Variants in PLXNA4 observed in about 807,000 individuals in gnomAD.
PLXNA4 encodes plexin A4.
PLXNA4 carries 44 observed loss-of-function variants against 191.8 expected under a neutral mutation model. That is an observed-to-expected ratio of 0.23 (90% confidence interval 0.18 to 0.29). PLXNA4 has a LOEUF of 0.29. Among genes scored for constraint, PLXNA4 ranks in the 10% least tolerant of loss-of-function variants. The pLI is 1.00. For missense variants in PLXNA4, 1,800 were observed against 2,488.8 expected (o/e 0.72, Z 5.89); for synonymous variants, 1,082 against 1,009.5 (o/e 1.07, Z -1.36).
At chr7:132,535,549 C>T (rs1300828088) in intron 1 of PLXNA4, among the ~76,000 whole-genome samples, 1 of 152,112 alleles carries the variant, frequency 6.6e-6, no homozygotes, top group African/African-American at 2.4e-5. Flanking sequence ...GGAAAGGGGT[C>T]CCTTGGTATT....
intron 4 of PLXNA4, among the ~76,000 whole-genome samples, chr7:132,270,188 G>T (rs946769467): frequency 6.6e-6 from 1 of 152,064 alleles, no homozygotes; most frequent in African/African-American, 2.4e-5. Flanking sequence ...TCCATACCAC[G>T]TATGGAGAGA....
intron 2 of PLXNA4, among the ~76,000 whole-genome samples, chr7:132,635,368 A>AT (rs1000932177): frequency 1.3e-5 from 2 of 151,890 alleles, no homozygotes; most frequent in African/African-American, 4.8e-5. Context: ...ACTTGAATAG[A>AT]TTTTTTGAAC....
At position 132,378,658 on chromosome 7, in the gene PLXNA4, C is replaced by T. The variant is rs75619075; in HGVS notation, c.1372-80436G>A. Among the ~76,000 whole-genome samples the T allele has an allele frequency of 6.1e-3, 927 of 152,108 alleles. 12 individuals are homozygous for T. Among genetic ancestry groups the T allele is most frequent in the African/African-American group, 0.021 (877 of 41,466 alleles). On this transcript the variant is annotated intron_variant, in intron 3 of 31. Transcript: ENST00000321063. ...TCACCTAGGTCTGTGATCTCTCCTGCGCAAAATGAGGTTCAAAGAAAGAGA... is the reference window on the plus strand; with the variant it reads ...TCACCTAGGTCTGTGATCTCTCCTGTGCAAAATGAGGTTCAAAGAAAGAGA...
chr7:132,239,704 T>A (rs1798815365), intron 5 of PLXNA4, among the ~76,000 whole-genome samples: 1 of 152,186 alleles, frequency 6.6e-6, no homozygotes, highest in Non-Finnish European at 1.5e-5. Context: ...TGCCATCCTC[T>A]TCTATGCTGG....
chr7:132,524,482 C>A (rs960567937), intron 1 of PLXNA4, among the ~76,000 whole-genome samples: 4 of 152,192 alleles, frequency 2.6e-5, no homozygotes, highest in African/African-American at 9.7e-5. Flanking sequence ...ATAAAGAGTG[C>A]CCTGGGTTCC....
At chr7:132,171,458 G>A (rs1796283753) in intron 21 of PLXNA4, among the ~76,000 whole-genome samples, 2 of 152,186 alleles carry the variant, frequency 1.3e-5, no homozygotes, top group African/African-American at 2.4e-5. Flanking sequence ...AGCCAACTCG[G>A]ATGTCTCTCT....
intron 3 of PLXNA4, among the ~76,000 whole-genome samples, chr7:132,361,496 C>T (rs1585035774): frequency 6.6e-6 from 1 of 152,160 alleles, no homozygotes; most frequent in South Asian, 2.1e-4. Context: ...AGAGAGGCTG[C>T]ACCACAACCA....
Position 132,128,431 on chromosome 7 carries a change from A to G in PLXNA4, c.*2048T>C, listed in dbSNP as rs1034892539. 1 of 152,130 alleles carries G rather than the reference A, an allele frequency of 6.6e-6. No homozygotes were observed. The highest frequency in any genetic ancestry group is 1.5e-5 in the Non-Finnish European group (1 of 68,056). 9.4% of individuals were successfully genotyped at this position (152,130 alleles called of 1,614,324 possible). A position where few individuals can be genotyped will look rare whatever the true frequency, so the allele number is the denominator to read the frequency against. Reference sequence around the variant, plus strand: ...CGGCAGGCGACCACCCTGATTTCCTATGGACAAGCGCCCTCTCCTTCCACC... The same window carrying G: ...CGGCAGGCGACCACCCTGATTTCCTGTGGACAAGCGCCCTCTCCTTCCACC... On this transcript the variant is annotated 3_prime_UTR_variant, in exon 32 of 32. Coordinates refer to ENST00000321063, the MANE Select transcript of PLXNA4 (RefSeq NM_020911.2).
chr7:132,206,437 G>GGTGTGT (rs61032250), intron 10 of PLXNA4, among the ~76,000 whole-genome samples: 11,696 of 148,336 alleles, frequency 0.079, 692 homozygotes, highest in East Asian at 0.21. Flanking sequence ...TATGTTTTCT[G>GGTGTGT]GTGTGTGTGT....
intron 3 of PLXNA4, among the ~76,000 whole-genome samples, chr7:132,360,619 C>T (rs1163223035): frequency 1.3e-5 from 2 of 152,140 alleles, no homozygotes; most frequent in African/African-American, 4.8e-5. Flanking sequence ...TCGACAACAA[C>T]AAAAAGATAA....
chr7:132,300,208 G>A (rs1376523047), intron 3 of PLXNA4, among the ~76,000 whole-genome samples: 3 of 152,100 alleles, frequency 2.0e-5, no homozygotes, highest in Admixed American at 6.5e-5. Context: ...AAAATCTGGG[G>A]ACAGAATTAG....
chr7:132,175,456 G>A (rs1232535220), intron 20 of PLXNA4, among the ~76,000 whole-genome samples: 1 of 152,224 alleles, frequency 6.6e-6, no homozygotes, highest in Non-Finnish European at 1.5e-5. Context: ...TCCAAATGGG[G>A]CAGAGATGGA....
intron 5 of PLXNA4, among the ~76,000 whole-genome samples, chr7:132,230,269 G>A (rs894144841): frequency 7.7e-4 from 117 of 152,330 alleles, no homozygotes; most frequent in Middle Eastern, 3.4e-3. Flanking sequence ...TCTACCTCCT[G>A]AAGCTTCCAG....
chr7:132,180,883 A>C, intron 18 of PLXNA4, 151 bp from the exon 19 acceptor site: 1 of 1,309,928 alleles, frequency 7.6e-7, no homozygotes, highest in Non-Finnish European at 1.0e-6. Flanking sequence ...TATTCATGGC[A>C]TGACTACCAC....
chr7:132,572,103 G>C (rs542405467), intron 1 of PLXNA4, among the ~76,000 whole-genome samples: 7 of 152,254 alleles, frequency 4.6e-5, no homozygotes, highest in Admixed American at 3.3e-4. Flanking sequence ...ACCTCCCAAG[G>C]GGGCAGCAGT....
intron 3 of PLXNA4, among the ~76,000 whole-genome samples, chr7:132,452,300 G>C (rs932963300): frequency 1.2e-4 from 18 of 152,200 alleles, no homozygotes; most frequent in Non-Finnish European, 1.5e-5. Flanking sequence ...AGCAATAAAA[G>C]GCCAGGCTTC....
intron 1 of PLXNA4, among the ~76,000 whole-genome samples, chr7:132,550,955 T>G (rs184368490): frequency 6.6e-6 from 1 of 152,240 alleles, no homozygotes; most frequent in East Asian, 1.9e-4. Flanking sequence ...TCCTGCATTC[T>G]CTCCCTTTGC....
At chr7:132,131,248 A>C (rs2116491870) in intron 31 of PLXNA4, among the ~76,000 whole-genome samples, 1 of 152,270 alleles carries the variant, frequency 6.6e-6, no homozygotes, top group South Asian at 2.1e-4. Context: ...AATATGCTAG[A>C]ATTTTACTCA....
At chr7:132,453,045 G>A (rs10954376) in intron 3 of PLXNA4, among the ~76,000 whole-genome samples, 34,544 of 152,040 alleles carry the variant, frequency 0.23, 4,538 homozygotes, top group South Asian at 0.35. Context: ...CACGCACCAC[G>A]TTCTAGTTTT....
Sources: gnomAD v4.1 joint callset for allele counts (sites outside exome capture counted in the v4.1 genomes callset) on GRCh38, gnomAD v4.1.1 for gene constraint, MANE v1.5 for transcripts, NCBI Gene and HGNC (gene_info 2026-07-23, HGNC 2026-07-21) for gene names.